Variants in HGSNAT observed in about 807,000 individuals in gnomAD.
The protein encoded by HGSNAT is heparan-alpha-glucosaminide N-acetyltransferase.
In HGSNAT, 59 loss-of-function variants were observed where a neutral mutation model predicts 85.2. The ratio of observed to expected loss-of-function variants is 0.69; its 90% CI spans 0.56 to 0.86. The LOEUF (loss-of-function observed/expected upper bound fraction) is 0.86, where lower values mean the gene tolerates loss of function less well. Ranked by LOEUF, HGSNAT falls within the 40% of genes least tolerant of loss-of-function variation. The pLI is 0.00. For synonymous variants in HGSNAT, 321 were observed against 304.5 expected (o/e 1.05, Z -0.56); for missense variants, 756 against 777.1 (o/e 0.97, Z 0.32).
chr8:43,144,541 G>C (rs1802654598), intron 1 of HGSNAT, among the ~76,000 whole-genome samples: 1 of 152,078 alleles, frequency 6.6e-6, no homozygotes. Flanking sequence ...TGAGGAAACT[G>C]AGGCAAGTTG....
At chr8:43,196,196 G>A (rs993825110) in intron 14 of HGSNAT, 3 of 326,518 alleles carry the variant, frequency 9.2e-6, no homozygotes, top group Non-Finnish European at 1.8e-5. Flanking sequence ...GTGTTGCAAG[G>A]ATTGAATAAG....
At chr8:43,171,647 T>A (rs1803628514) in intron 7 of HGSNAT, among the ~76,000 whole-genome samples, 1 of 152,188 alleles carries the variant, frequency 6.6e-6, no homozygotes, top group African/African-American at 2.4e-5. Flanking sequence ...TCTGCACAGT[T>A]AGCCTCAAAC....
chr8:43,173,942 G>A (rs1363401041), intron 9 of HGSNAT, 199 bp downstream of exon 9: 19 of 508,122 alleles, frequency 3.7e-5, no homozygotes, highest in Non-Finnish European at 5.5e-5. Context: ...GGGGCCGGGC[G>A]CGGTGGCTCA....
chr8:43,174,444 C>T (rs1450915704), intron 9 of HGSNAT, among the ~76,000 whole-genome samples: 1 of 152,084 alleles, frequency 6.6e-6, no homozygotes, highest in Admixed American at 6.6e-5. Flanking sequence ...TAGTCATAAA[C>T]TAAAATTTAA....
intron 14 of HGSNAT, chr8:43,196,434 G>T (rs1309223895): frequency 7.8e-7 from 1 of 1,289,026 alleles, no homozygotes; most frequent in East Asian, 5.6e-5. Flanking sequence ...TCCTAGTGCT[G>T]CCCAGACTGG....
At chr8:43,144,110 AG>A (rs984940047) in intron 1 of HGSNAT, among the ~76,000 whole-genome samples, 1 of 151,960 alleles carries the variant, frequency 6.6e-6, no homozygotes, top group Non-Finnish European at 1.5e-5. Context: ...ACTTGACCCC[AG>A]GAAGTTGAGA....
In HGSNAT at chr8:43,172,497, C is replaced by G. The variant is rs1036100461; in HGVS notation, c.820+111C>G. On this transcript the variant is annotated intron_variant, in intron 8 of 17. Transcript: ENST00000379644. ...AAACTCCAGAAATGAGCCCCAGCAG[C>G]CTCCTCTGAGCCACTGAGCTCCTGC... The G allele has an allele frequency of 6.2e-5, 48 of 776,938 alleles. 1 individual carries two copies. Among genetic ancestry groups the G allele is most frequent in the Non-Finnish European group, 3.9e-5 (18 of 461,830 alleles). The allele number at this position is 776,938 out of a possible 1,614,324, so 48.1% of individuals were successfully genotyped here.
In HGSNAT at chr8:43,199,530, C is replaced by T. The variant is rs1424601022; in HGVS notation, c.1869C>T (p.Ala623=). 1 of 1,593,642 alleles carries T rather than the reference C, an allele frequency of 6.3e-7. No individual in the cohort carries two copies. Residue 623 remains alanine, a synonymous_variant, in exon 18 of 18, where the codon GCC becomes GCT. Transcript: ENST00000379644. ...CCACTGCCCTCTGGGTGCTCATTGC[C>T]TACATCCTCTATAGAAAGAAGATTT... The part of the protein sequence containing the change: ...IVATALWVLI[A]YILYRKKIFW...
intron 2 of HGSNAT, among the ~76,000 whole-genome samples, chr8:43,149,712 A>AT (rs1563355884): frequency 4.6e-5 from 7 of 151,182 alleles, no homozygotes; most frequent in African/African-American, 1.7e-4. Context: ...AAAAAAAAAA[A>AT]ATTTTTTTTT....
At chr8:43,173,813 G>T in intron 9 of HGSNAT, 70 bp downstream of exon 9, 1 of 1,508,582 alleles carries the variant, frequency 6.6e-7, no homozygotes, top group Non-Finnish European at 9.1e-7. Context: ...GATGATGCTG[G>T]AGCCTCTCTT....
intron 2 of HGSNAT, among the ~76,000 whole-genome samples, chr8:43,157,290 T>C (rs1803121937): frequency 6.6e-6 from 1 of 152,240 alleles, no homozygotes; most frequent in Non-Finnish European, 1.5e-5. Context: ...AATGCTGTGA[T>C]ATAAATATCT....
In HGSNAT at chr8:43,202,433, G is replaced by C. The variant is rs1804945866; in HGVS notation, c.*2864G>C. ...TTGGTTTCCTTTGGGAAGGGAAGAG[G>C]GAGTGTGTTGGGGTAAGGGGTAGAG... is the stretch of plus-strand genomic sequence containing the variant. On this transcript the variant is annotated 3_prime_UTR_variant, in exon 18 of 18. Transcript: ENST00000379644. 6.6e-6 allele frequency: 1 copy of C among 152,282 alleles called. No individual in the cohort carries two copies. The highest frequency in any genetic ancestry group is 1.9e-4 in the East Asian group (1 of 5,182). 9.4% of individuals were successfully genotyped at this position (152,282 alleles called of 1,614,324 possible).
In HGSNAT at chr8:43,202,688, CCAA is replaced by C. The variant is rs1409299958; in HGVS notation, c.*3123_*3125del. 1 of 152,094 alleles carries C rather than the reference CCAA, an allele frequency of 6.6e-6. No individual in the cohort carries two copies. Among genetic ancestry groups the C allele is most frequent in the Non-Finnish European group, 1.5e-5 (1 of 68,024 alleles). 9.4% of individuals were successfully genotyped at this position (152,094 alleles called of 1,614,324 possible). ...ATCATAAAATGTATCTTTTCCATGG[CCAA>C]CAAGGGGCATCTTTTATAAATGCAT... On this transcript the variant is annotated 3_prime_UTR_variant, in exon 18 of 18. Transcript: ENST00000379644.
intron 2 of HGSNAT, among the ~76,000 whole-genome samples, chr8:43,150,726 C>T (rs898864717): frequency 2.6e-5 from 4 of 151,762 alleles, no homozygotes; most frequent in Admixed American, 6.6e-5. Context: ...CCCAGCTACT[C>T]GGGAGGCTGA....
chr8:43,150,834 AAAATAAAT>A (rs144266684), intron 2 of HGSNAT, among the ~76,000 whole-genome samples: 4,459 of 147,080 alleles, frequency 0.03, 95 homozygotes, highest in African/African-American at 0.058. Flanking sequence ...ACTCCGTTTC[AAAATAAAT>A]AAATAAATAA....
intron 1 of HGSNAT, among the ~76,000 whole-genome samples, chr8:43,144,958 T>G (rs1802666477): frequency 6.6e-6 from 1 of 152,156 alleles, no homozygotes; most frequent in South Asian, 2.1e-4. Context: ...CAGTAAGTGT[T>G]CAGGAAGTGC....
Position 43,140,479 on chromosome 8 carries a change from G to A in HGSNAT, c.-18G>A. On this transcript the variant is annotated 5_prime_UTR_variant, in exon 1 of 18. Transcript: ENST00000379644. ...GGGGCGCAGCGGGCAGGCAAGGGCG[G>A]CCGAGCGGGCGGCGGGCATGAGCGG... The A allele has an allele frequency of 1.0e-6, 1 of 980,166 alleles. No individual in the cohort carries two copies. Among genetic ancestry groups the A allele is most frequent in the Non-Finnish European group, 1.2e-6 (1 of 822,688 alleles). The allele number at this position is 980,166 out of a possible 1,614,324, so 60.7% of individuals were successfully genotyped here. A position where few individuals can be genotyped will look rare whatever the true frequency, so the allele number is the denominator to read the frequency against.
chr8:43,141,310 G>T (rs926966169), intron 1 of HGSNAT, among the ~76,000 whole-genome samples: 16 of 152,140 alleles, frequency 1.1e-4, no homozygotes, highest in Non-Finnish European at 2.4e-4. Flanking sequence ...CGCCGCCGCC[G>T]CCTGGGAGGG....
At chr8:43,178,255 T>TTA (rs762810460) in intron 10 of HGSNAT, 21 bp downstream of exon 10, 1 of 1,470,562 alleles carries the variant, frequency 6.8e-7, no homozygotes, top group Non-Finnish European at 9.0e-7. Context: ...TTTCCCTCTG[T>TTA]TATATATATT....
Sources: allele counts gnomAD v4.1 joint callset (sites outside exome capture counted in the v4.1 genomes callset), GRCh38; gene constraint gnomAD v4.1.1; transcripts MANE v1.5; gene names NCBI Gene and HGNC (gene_info 2026-07-23, HGNC 2026-07-21).